TLN2: variants seen among roughly 807,000 people sequenced by gnomAD.
The protein encoded by TLN2 is talin 2.
Under a neutral mutation model 294.7 loss-of-function variants are expected in TLN2, and 118 were observed. That is an observed-to-expected ratio of 0.40 (90% CI 0.34 to 0.47). The LOEUF is 0.47. Among genes scored for constraint, TLN2 ranks in the 20% least tolerant of loss-of-function variants. The pLI is 0.84. For missense variants in TLN2, 3,083 were observed against 3,282.2 expected, an observed-to-expected ratio of 0.94 and a Z score of 1.48; for synonymous variants, 1,431 against 1,304.5, an observed-to-expected ratio of 1.10 and a Z score of -2.09.
chr15:62,785,718 T>G (rs2064595867), intron 45 of TLN2, among the ~76,000 whole-genome samples: 1 of 151,400 alleles, frequency 6.6e-6, no homozygotes, highest in African/African-American at 2.4e-5. Flanking sequence ...ACAGAAACCT[T>G]TAAAAATGGA....
At chr15:62,622,684 A>G (rs1274272327) in intron 3 of TLN2, among the ~76,000 whole-genome samples, 1 of 152,226 alleles carries the variant, frequency 6.6e-6, no homozygotes, top group Non-Finnish European at 1.5e-5. Flanking sequence ...TCTTACACAT[A>G]CATTCACTGA....
At chr15:62,495,813 C>T (rs1257985242) in intron 1 of TLN2, among the ~76,000 whole-genome samples, 1 of 152,052 alleles carries the variant, frequency 6.6e-6, no homozygotes, top group African/African-American at 2.4e-5. Flanking sequence ...TACTTTGCAG[C>T]AAGGTGGGGT....
At chr15:62,741,748 C>CGCGTGTGTGTGTGTGTGT in intron 32 of TLN2, among the ~76,000 whole-genome samples, 27 of 131,160 alleles carry the variant, frequency 2.1e-4, no homozygotes, top group Admixed American at 3.1e-4. Flanking sequence ...AAAATTTGCG[C>CGCGTGTGTGTGTGTGTGT]GTGTGTGTGT....
At chr15:62,718,380 G>A (rs2059917421) in intron 24 of TLN2, among the ~76,000 whole-genome samples, 1 of 152,244 alleles carries the variant, frequency 6.6e-6, no homozygotes, top group Admixed American at 6.5e-5. Context: ...GCAGCTAGCT[G>A]TGGTGGCTGG....
Position 62,840,645 on chromosome 15 carries a change from G to T in TLN2, c.*35G>T. The T allele has an allele frequency of 6.2e-7, 1 of 1,607,222 alleles. No homozygotes were observed. The highest frequency in any genetic ancestry group is 8.5e-7 in the Non-Finnish European group (1 of 1,176,688). On this transcript the variant is annotated 3_prime_UTR_variant, in exon 59 of 59. Coordinates refer to ENST00000636159, the MANE Select transcript of TLN2 (RefSeq NM_015059.3). ...CCCAGATGGCGAGCCCCAGGGGATG[G>T]CCCTGGCTGAACTGGACAGACAGTG...
At chr15:62,830,960 T>TACA (rs2068773343) in intron 54 of TLN2, 1 of 151,414 alleles carries the variant, frequency 6.6e-6, no homozygotes, top group Non-Finnish European at 1.5e-5. Flanking sequence ...CAAAGAACAT[T>TACA]ACAACAGTTG....
chr15:62,687,532 C>T (rs2057384923), intron 12 of TLN2, among the ~76,000 whole-genome samples: 1 of 152,184 alleles, frequency 6.6e-6, no homozygotes, highest in Non-Finnish European at 1.5e-5. Flanking sequence ...AACTCTATGC[C>T]TTAACTATAG....
At chr15:62,409,305 G>A (rs1489080600) in intron 1 of TLN2, among the ~76,000 whole-genome samples, 5 of 152,162 alleles carry the variant, frequency 3.3e-5, no homozygotes, top group Non-Finnish European at 7.4e-5. Context: ...TAGGTATACT[G>A]AAGTTTAAAT....
At chr15:62,726,279 C>A (rs1282637075) in intron 27 of TLN2, among the ~76,000 whole-genome samples, 3 of 152,172 alleles carry the variant, frequency 2.0e-5, no homozygotes, top group African/African-American at 7.2e-5. Flanking sequence ...ATGGACCAGG[C>A]TCTATTTTTA....
At chr15:62,548,700 T>C (rs1005546674) in intron 1 of TLN2, among the ~76,000 whole-genome samples, 1 of 152,170 alleles carries the variant, frequency 6.6e-6, no homozygotes, top group Non-Finnish European at 1.5e-5. Context: ...ACGGTTGAAA[T>C]TGTGCTGATT....
At chr15:62,469,652 G>C (rs1466156389) in intron 1 of TLN2, among the ~76,000 whole-genome samples, 4 of 152,208 alleles carry the variant, frequency 2.6e-5, no homozygotes, top group African/African-American at 9.6e-5. Flanking sequence ...TGCTTGGCTT[G>C]ATTCTGGAGT....
At chr15:62,766,710 G>T (rs188461419) in intron 41 of TLN2, among the ~76,000 whole-genome samples, 1 of 149,610 alleles carries the variant, frequency 6.7e-6, no homozygotes, top group African/African-American at 2.4e-5. Context: ...CGTTGCAATC[G>T]ACCTTTGCTG....
chr15:62,627,300 T>C (rs185377356), intron 3 of TLN2, among the ~76,000 whole-genome samples: 43 of 152,340 alleles, frequency 2.8e-4, no homozygotes, highest in Admixed American at 2.5e-3. Context: ...GGTGGAACTA[T>C]ACCCAAGCAC....
In TLN2 at chr15:62,664,879, G is replaced by A. The variant is rs1158985104; in HGVS notation, c.788+6981G>A. 6.2e-3 allele frequency among the ~76,000 whole-genome samples: 124 copies of A among 20,012 alleles called. 1 individual carries two copies. Among genetic ancestry groups the A allele is most frequent in the Non-Finnish European group, 0.013 (81 of 6,382 alleles). 13.1% of individuals were successfully genotyped at this position (20,012 alleles called of 152,430 possible). ...TCTCAAAAAAAAAAAAAAAAAAAAA[G>A]TGGCTACCTAATAAAGAAAGGATAT... On this transcript the variant is annotated intron_variant, in intron 9 of 58. Transcript: ENST00000636159.
chr15:62,797,097 G>A, intron 47 of TLN2, 122 bp from the exon 48 acceptor site: 1 of 1,055,884 alleles, frequency 9.5e-7, no homozygotes, highest in African/African-American at 1.6e-5. Flanking sequence ...GTGTAACACA[G>A]CACTTCTCTT....
chr15:62,823,865 A>T (rs1210093657), intron 54 of TLN2: 1 of 450,776 alleles, frequency 2.2e-6, no homozygotes, highest in East Asian at 6.9e-5. Flanking sequence ...AAAGACAGTT[A>T]TCGGAGTTGC....
At chr15:62,741,001 A>G (rs1217708801) in intron 32 of TLN2, among the ~76,000 whole-genome samples, 1 of 152,214 alleles carries the variant, frequency 6.6e-6, no homozygotes. Context: ...CCTTTTCAGT[A>G]GAGACTTGTT....
intron 57 of TLN2, among the ~76,000 whole-genome samples, chr15:62,836,507 C>T (rs1387448475): frequency 1.3e-5 from 2 of 152,206 alleles, no homozygotes; most frequent in East Asian, 1.9e-4. Context: ...ACCACATCTT[C>T]ATCTGTGCCT....
In TLN2 at chr15:62,708,568, G is replaced by C; in HGVS notation, c.2239G>C (p.Asp747His). 6.2e-7 allele frequency: 1 copy of C among 1,614,200 alleles called. No homozygotes were observed. The highest frequency in any genetic ancestry group is 8.5e-7 in the Non-Finnish European group (1 of 1,180,028). Residue 747 changes from aspartate (D) to histidine (H), a missense_variant, in exon 21 of 59, where the codon GAC (aspartate) becomes CAC (histidine). Coordinates refer to ENST00000636159, the MANE Select transcript of TLN2 (RefSeq NM_015059.3). ...EQLIEAGKLV[D>H]RSVENCVRAC... is the part of the protein sequence containing the mutation. ...GCTGATTGAAGCAGGGAAGCTGGTG[G>C]ACCGCTCGGTGGAGAACTGTGTCCG...
Sources: gnomAD v4.1 joint callset for allele counts (sites outside exome capture counted in the v4.1 genomes callset) on GRCh38, gnomAD v4.1.1 for gene constraint, MANE v1.5 for transcripts, NCBI Gene and HGNC (gene_info 2026-07-23, HGNC 2026-07-21) for gene names.